Variants in ATL2 observed in about 807,000 individuals in gnomAD.
ATL2 encodes atlastin GTPase 2.
In ATL2, 31 loss-of-function variants were observed where a neutral mutation model predicts 73.9. The ratio of observed to expected loss-of-function variants is 0.42; its 90% CI spans 0.32 to 0.57. The LOEUF is 0.57. Ranked by LOEUF, ATL2 falls within the 20% of genes least tolerant of loss-of-function variation. ATL2 has a pLI of 0.14. For synonymous variants in ATL2, 291 were observed against 237.5 expected, an observed-to-expected ratio of 1.23 and a Z score of -2.07; for missense variants, 738 against 702.6, an observed-to-expected ratio of 1.05 and a Z score of -0.57.
intron 12 of ATL2, chr2:38,297,810 C>T (rs1213098250): frequency 5.8e-6 from 1 of 173,602 alleles, no homozygotes; most frequent in African/African-American, 2.4e-5. Context: ...AACTTCTTTT[C>T]CTTACCTTGA....
rs749173576 is a variant in ATL2, at chr2:38,313,154, T to C, written c.801A>G (p.Leu267=). 1 of 1,609,184 alleles carries C rather than the reference T, an allele frequency of 6.2e-7. No individual in the cohort carries two copies. The highest frequency in any genetic ancestry group is 8.5e-7 in the Non-Finnish European group (1 of 1,175,936). The change falls in exon 7 of 13, where the codon TTA becomes TTG. Residue 267 remains leucine (L), a synonymous_variant. Coordinates refer to ENST00000378954, the MANE Select transcript of ATL2 (RefSeq NM_001135673.4). The part of the protein sequence containing the change: ...EGGKQFLEKR[L]QVKQNQHEEL... The stretch of plus-strand genomic sequence containing the variant: ...TCTTTAAGCATTAGGGTCTTACCTG[T>C]AATCTCTTTTCAAGAAATTGCTTTC...
chr2:38,320,607 A>G (rs12712584), intron 2 of ATL2, among the ~76,000 whole-genome samples: 51,583 of 152,110 alleles, frequency 0.34, 8,966 homozygotes, highest in South Asian at 0.48. Flanking sequence ...TAATAAATGA[A>G]TACCTTTGAC....
intron 1 of ATL2, among the ~76,000 whole-genome samples, chr2:38,363,371 G>T (rs975772006): frequency 3.5e-4 from 28 of 80,010 alleles, no homozygotes; most frequent in African/African-American, 1.9e-3. Flanking sequence ...TTAAAAAGGT[G>T]GGGGGGGGGG....
At chr2:38,335,764 G>A (rs750933331) in intron 2 of ATL2, among the ~76,000 whole-genome samples, 8 of 152,108 alleles carry the variant, frequency 5.3e-5, no homozygotes, top group Admixed American at 2.6e-4. Context: ...ATAATAGGCC[G>A]GGCGCGGTGG....
intron 9 of ATL2, among the ~76,000 whole-genome samples, chr2:38,305,863 C>A (rs1306999883): frequency 6.6e-6 from 1 of 151,812 alleles, no homozygotes; most frequent in Non-Finnish European, 1.5e-5. Flanking sequence ...AACCATACAT[C>A]TTAAAAAAAC....
chr2:38,329,191 C>T (rs1003138323), intron 2 of ATL2, among the ~76,000 whole-genome samples: 35 of 149,484 alleles, frequency 2.3e-4, no homozygotes, highest in African/African-American at 6.6e-4. Flanking sequence ...CTTTGGGAGG[C>T]CGAGATGGGC....
At chr2:38,327,448 T>C (rs1668727608) in intron 2 of ATL2, among the ~76,000 whole-genome samples, 1 of 142,456 alleles carries the variant, frequency 7.0e-6, no homozygotes, top group Non-Finnish European at 1.5e-5. Context: ...TTAACAGATA[T>C]ATTAAGAGAG....
chr2:38,321,170 C>CAAACA (rs1005880488), intron 2 of ATL2, among the ~76,000 whole-genome samples: 38 of 151,978 alleles, frequency 2.5e-4, no homozygotes, highest in East Asian at 5.8e-4. Flanking sequence ...GAGACTGTCT[C>CAAACA]AAACAAAACA....
intron 7 of ATL2, among the ~76,000 whole-genome samples, chr2:38,312,235 C>T (rs569974160): frequency 1.3e-5 from 2 of 152,146 alleles, no homozygotes; most frequent in Non-Finnish European, 2.9e-5. Context: ...TGTCCCCACC[C>T]AAATCTCATC....
At chr2:38,305,914 T>A (rs973959361) in intron 9 of ATL2, among the ~76,000 whole-genome samples, 2 of 151,518 alleles carry the variant, frequency 1.3e-5, no homozygotes, top group Non-Finnish European at 2.9e-5. Context: ...TAGAAGAAGT[T>A]AGCGAAATTG....
chr2:38,302,012 G>T (rs755897252), intron 9 of ATL2, among the ~76,000 whole-genome samples: 1 of 152,168 alleles, frequency 6.6e-6, no homozygotes, highest in Non-Finnish European at 1.5e-5. Context: ...AGTAGAATGC[G>T]GCATAAGGCA....
At chr2:38,364,552 T>G (rs1671194889) in intron 1 of ATL2, among the ~76,000 whole-genome samples, 1 of 152,252 alleles carries the variant, frequency 6.6e-6, no homozygotes. Flanking sequence ...TATTCCATAT[T>G]TGTTATATGA....
At chr2:38,305,150 A>C (rs1667381574) in intron 9 of ATL2, among the ~76,000 whole-genome samples, 1 of 152,248 alleles carries the variant, frequency 6.6e-6, no homozygotes. Flanking sequence ...AAAGGGATCA[A>C]TTCAGCAAGA....
intron 1 of ATL2, chr2:38,359,664 A>G (rs1670890560): frequency 6.6e-6 from 1 of 152,172 alleles, no homozygotes; most frequent in African/African-American, 2.4e-5. Flanking sequence ...TTCCCACTTA[A>G]AGAACACTAA....
intron 7 of ATL2, among the ~76,000 whole-genome samples, chr2:38,312,338 T>TG (rs909349353): frequency 6.2e-4 from 94 of 152,174 alleles, no homozygotes; most frequent in African/African-American, 2.2e-3. Flanking sequence ...TAACAGTGAG[T>TG]GAGTTATCAC....
chr2:38,370,772 A>T (rs952865609), intron 1 of ATL2, among the ~76,000 whole-genome samples: 2 of 151,712 alleles, frequency 1.3e-5, no homozygotes, highest in African/African-American at 4.8e-5. Flanking sequence ...TCTCAAAACG[A>T]AACAAAACAA....
intron 2 of ATL2, among the ~76,000 whole-genome samples, chr2:38,326,378 C>G (rs1668664093): frequency 6.6e-6 from 1 of 152,178 alleles, no homozygotes; most frequent in African/African-American, 2.4e-5. Context: ...GTCTTTATTA[C>G]CTGATACTTC....
chr2:38,318,579 A>T lies in ATL2; in HGVS notation c.559T>A (p.Cys187Ser). ...AFDSQSTIKD[C>S]ATVFALSTMT... ...GTGCTCAGAGCAAACACCGTTGCAC[A>T]GTCTTTGATAGTTGACTGGCTATCA... Residue 187 changes from cysteine to serine, a missense_variant, in exon 4 of 13, where the codon TGT becomes AGT. Transcript: ENST00000378954. 6.2e-7 allele frequency: 1 copy of T among 1,612,588 alleles called. No homozygotes were observed. Among genetic ancestry groups the T allele is most frequent in the Non-Finnish European group, 8.5e-7 (1 of 1,179,636 alleles).
chr2:38,304,064 G>T (rs562415900), intron 9 of ATL2, among the ~76,000 whole-genome samples: 5 of 152,268 alleles, frequency 3.3e-5, no homozygotes, highest in African/African-American at 1.2e-4. Context: ...AGGAGTTGGA[G>T]ACCAGCCTGT....
Sources: gnomAD v4.1 joint callset for allele counts (sites outside exome capture counted in the v4.1 genomes callset) on GRCh38, gnomAD v4.1.1 for gene constraint, MANE v1.5 for transcripts, NCBI Gene and HGNC (gene_info 2026-07-23, HGNC 2026-07-21) for gene names.